Variants in TMEM272 observed in about 807,000 individuals in gnomAD.
TMEM272 encodes transmembrane protein 272.
A neutral mutation model predicts 3.7 loss-of-function variants in TMEM272; 8 were observed. The observed-to-expected ratio is 2.17, with a 90% CI of 1.27 to 3.91. The LOEUF (loss-of-function observed/expected upper bound fraction) is 3.91, where lower values mean the gene tolerates loss of function less well. TMEM272 is among the 30% of genes most tolerant of loss of function. The pLI is 0.00. For missense variants in TMEM272, 166 were observed against 91.5 expected (o/e 1.81, Z -3.32); for synonymous variants, 63 against 39.8 (o/e 1.58, Z -2.20).
At chr13:51,922,339 C>T in the TMEM272 span, among the ~76,000 whole-genome samples, 8 of 152,190 alleles carry the variant, frequency 5.3e-5, no homozygotes, top group African/African-American at 1.9e-4. Context: ...CTTGGGTGGG[C>T]GTGGCCCAGG....
At chr13:51,841,940 C>T (rs967236681) in intron 1 of TMEM272, among the ~76,000 whole-genome samples, 4 of 152,146 alleles carry the variant, frequency 2.6e-5, no homozygotes, top group Admixed American at 6.5e-5. Context: ...GCATCCAGCC[C>T]GAAAGGGAAG....
At chr13:51,856,078 T>C in the TMEM272 span, among the ~76,000 whole-genome samples, 1 of 152,206 alleles carries the variant, frequency 6.6e-6, no homozygotes, top group Non-Finnish European at 1.5e-5. Flanking sequence ...TTTTTATAGA[T>C]GATTTGGTGG....
At chr13:51,868,390 C>A in the TMEM272 span, among the ~76,000 whole-genome samples, 1 of 152,110 alleles carries the variant, frequency 6.6e-6, no homozygotes, top group Non-Finnish European at 1.5e-5. Context: ...TGCAAAGATG[C>A]ACAGAGATGA....
chr13:51,846,891 G>A (rs1956309658), upstream of TMEM272, among the ~76,000 whole-genome samples: 1 of 152,188 alleles, frequency 6.6e-6, no homozygotes, highest in East Asian at 1.9e-4. Flanking sequence ...TAAATGTAGT[G>A]TAGCCTAAGT....
the TMEM272 span, among the ~76,000 whole-genome samples, chr13:51,852,241 A>C: frequency 6.6e-6 from 1 of 152,224 alleles, no homozygotes; most frequent in Non-Finnish European, 1.5e-5. Context: ...CTCTAATTAT[A>C]AGTATGGTTG....
At chr13:51,926,612 T>TG in the TMEM272 span, among the ~76,000 whole-genome samples, 25 of 2,772 alleles carry the variant, frequency 9.0e-3, no homozygotes, top group East Asian at 0.065. Flanking sequence ...TGGTTGGGGG[T>TG]GGGGGGGGTG....
the TMEM272 span, among the ~76,000 whole-genome samples, chr13:51,859,903 T>TG: frequency 5.3e-5 from 8 of 151,754 alleles, no homozygotes; most frequent in African/African-American, 1.9e-4. Context: ...TATTTTTTTT[T>TG]TTGTTTTGAG....
chr13:51,852,669 A>G, the TMEM272 span, among the ~76,000 whole-genome samples: 26 of 152,184 alleles, frequency 1.7e-4, no homozygotes, highest in Admixed American at 7.8e-4. Context: ...CATGAGGTCA[A>G]GAGATCGAGA....
At chr13:51,877,767 T>C in the TMEM272 span, among the ~76,000 whole-genome samples, 2 of 152,286 alleles carry the variant, frequency 1.3e-5, no homozygotes, top group Non-Finnish European at 2.9e-5. Flanking sequence ...CTTGTTGTAC[T>C]ACTTAAGTAC....
At position 51,814,432 on chromosome 13, in the gene TMEM272, G is replaced by C. The variant is rs547842065; in HGVS notation, c.*2319C>G. The C allele has an allele frequency of 6.6e-6, 1 of 152,314 alleles. No homozygotes were observed. Among genetic ancestry groups the C allele is most frequent in the Admixed American group, 6.5e-5 (1 of 15,306 alleles). 9.4% of individuals were successfully genotyped at this position (152,314 alleles called of 1,614,324 possible). A position where few individuals can be genotyped will look rare whatever the true frequency, so the allele number is the denominator to read the frequency against. On this transcript the variant is annotated 3_prime_UTR_variant, in exon 5 of 5. Transcript: ENST00000629372. ...TGGATGCACATGAACATTTTCTTTA[G>C]GATCTAACCTGTTTCCCCAGAAGGG...
intron 4 of TMEM272, among the ~76,000 whole-genome samples, chr13:51,821,840 G>A (rs1273119088): frequency 6.6e-6 from 1 of 152,134 alleles, no homozygotes; most frequent in African/African-American, 2.4e-5. Flanking sequence ...TCAACAGCAG[G>A]AAGGAAGCTC....
the TMEM272 span, among the ~76,000 whole-genome samples, chr13:51,924,948 C>T: frequency 3.3e-5 from 5 of 152,166 alleles, no homozygotes; most frequent in South Asian, 2.1e-4. Flanking sequence ...TTGGGAAATG[C>T]GGATTTTACG....
the TMEM272 span, among the ~76,000 whole-genome samples, chr13:51,929,498 T>C: frequency 6.6e-6 from 1 of 152,030 alleles, no homozygotes; most frequent in African/African-American, 2.4e-5. Flanking sequence ...GACTAGGAGG[T>C]TGTTTTGGTC....
At chr13:51,928,101 T>C in the TMEM272 span, among the ~76,000 whole-genome samples, 5 of 150,144 alleles carry the variant, frequency 3.3e-5, no homozygotes, top group Non-Finnish European at 5.9e-5. Context: ...CCAAGAGAAC[T>C]GGGGGTCTGG....
At chr13:51,907,302 A>G in the TMEM272 span, among the ~76,000 whole-genome samples, 1 of 152,178 alleles carries the variant, frequency 6.6e-6, no homozygotes, top group Non-Finnish European at 1.5e-5. Context: ...TTCAACATCT[A>G]GGGCCTTGCT....
At chr13:51,876,459 T>G in the TMEM272 span, among the ~76,000 whole-genome samples, 1 of 152,270 alleles carries the variant, frequency 6.6e-6, no homozygotes, top group African/African-American at 2.4e-5. Flanking sequence ...TCATTACCTA[T>G]GCACAGATTC....
the TMEM272 span, among the ~76,000 whole-genome samples, chr13:51,882,185 C>T: frequency 6.6e-6 from 1 of 152,156 alleles, no homozygotes; most frequent in Non-Finnish European, 1.5e-5. Context: ...CTAATATGTG[C>T]CAAGCACAGT....
chr13:51,826,943 T>C (rs1956130925), intron 2 of TMEM272, among the ~76,000 whole-genome samples: 2 of 152,218 alleles, frequency 1.3e-5, no homozygotes, highest in Non-Finnish European at 2.9e-5. Flanking sequence ...CGTGCCAGGA[T>C]GCCAGAAGCT....
At chr13:51,916,423 T>C in the TMEM272 span, among the ~76,000 whole-genome samples, 1 of 152,162 alleles carries the variant, frequency 6.6e-6, no homozygotes, top group African/African-American at 2.4e-5. Flanking sequence ...ATGTAAAGGG[T>C]TTCTATGTAC....
Sources: allele counts gnomAD v4.1 joint callset (sites outside exome capture counted in the v4.1 genomes callset), GRCh38; gene constraint gnomAD v4.1.1; transcripts MANE v1.5; gene names NCBI Gene and HGNC (gene_info 2026-07-23, HGNC 2026-07-21).